FRYL: variants seen among roughly 807,000 people sequenced by gnomAD.
FRYL encodes the protein FRY like transcription coactivator, also known as protein furry homolog-like.
Under a neutral mutation model 351.2 loss-of-function variants are expected in FRYL, and 150 were observed. The observed-to-expected ratio is 0.43, with a 90% CI of 0.37 to 0.49. FRYL has a LOEUF of 0.49. Among genes scored for constraint, FRYL ranks in the 20% least tolerant of loss-of-function variants. FRYL has a pLI of 0.00. For missense variants in FRYL, 3,036 were observed against 3,619.3 expected (o/e 0.84, Z 4.13); for synonymous variants, 1,153 against 1,257.1 (o/e 0.92, Z 1.75).
At chr4:48,758,385 A>G (rs1429581672) in intron 1 of FRYL, among the ~76,000 whole-genome samples, 1 of 152,116 alleles carries the variant, frequency 6.6e-6, no homozygotes, top group African/African-American at 2.4e-5. Flanking sequence ...AATTTACAAG[A>G]AAAAATCAAA....
chr4:48,620,476 T>C (rs540050003), intron 6 of FRYL, among the ~76,000 whole-genome samples, 163 bp downstream of exon 6: 1 of 152,292 alleles, frequency 6.6e-6, no homozygotes, highest in South Asian at 2.1e-4. Flanking sequence ...TGATTTACAG[T>C]TTATGTGTGA....
chr4:48,584,982 T>C (rs956138627), intron 19 of FRYL, among the ~76,000 whole-genome samples: 11 of 152,322 alleles, frequency 7.2e-5, no homozygotes, highest in African/African-American at 2.6e-4. Flanking sequence ...AAGCAAATTG[T>C]CATTCACTAT....
intron 3 of FRYL, chr4:48,653,793 T>A: frequency 7.8e-7 from 1 of 1,288,426 alleles, no homozygotes; most frequent in Non-Finnish European, 1.0e-6. Flanking sequence ...ACATAGTGTC[T>A]CAATCAGCTG....
chr4:48,580,971 T>C lies in FRYL; in HGVS notation c.2173-20A>G. On this transcript the variant is annotated intron_variant, in intron 21 of 63. Coordinates refer to ENST00000358350, the MANE Select transcript of FRYL (RefSeq NM_015030.2). ...ATCACCCTGTAAAAAAGACATCATA[T>C]GTCTAAAAAAATTAGGAATGTTTAA... 2 of 1,522,442 alleles carry C rather than the reference T, an allele frequency of 1.3e-6. No homozygotes were observed. Among genetic ancestry groups the C allele is most frequent in the Non-Finnish European group, 1.8e-6 (2 of 1,125,340 alleles). The allele number at this position is 1,522,442 out of a possible 1,614,324, so 94.3% of individuals were successfully genotyped here. A position where few individuals can be genotyped will look rare whatever the true frequency, so the allele number is the denominator to read the frequency against.
intron 3 of FRYL, among the ~76,000 whole-genome samples, chr4:48,670,435 A>AAT (rs1397082725): frequency 4.6e-5 from 7 of 150,712 alleles, no homozygotes; most frequent in Middle Eastern, 7.1e-3. Flanking sequence ...TCCATCTCGA[A>AAT]ATATATATAT....
intron 1 of FRYL, among the ~76,000 whole-genome samples, chr4:48,745,494 A>T (rs1051934420): frequency 2.0e-5 from 3 of 152,186 alleles, no homozygotes; most frequent in African/African-American, 7.2e-5. Flanking sequence ...CAGCAAACTT[A>T]TCGCAAGGAC....
At chr4:48,696,627 T>C (rs1350022088) in intron 2 of FRYL, among the ~76,000 whole-genome samples, 3 of 152,132 alleles carry the variant, frequency 2.0e-5, no homozygotes, top group Non-Finnish European at 2.9e-5. Flanking sequence ...GACACCATTA[T>C]GGCACACGTA....
At chr4:48,729,748 A>G (rs532128222) in intron 1 of FRYL, among the ~76,000 whole-genome samples, 4 of 152,324 alleles carry the variant, frequency 2.6e-5, no homozygotes, top group Non-Finnish European at 4.4e-5. Context: ...CACCAACATC[A>G]AAGACCAAAG....
intron 15 of FRYL, among the ~76,000 whole-genome samples, chr4:48,594,848 C>T (rs1744274027): frequency 6.6e-6 from 1 of 152,172 alleles, no homozygotes; most frequent in Non-Finnish European, 1.5e-5. Flanking sequence ...TGACCAAAAC[C>T]TTGTATTGGC....
rs749397990 is a variant in FRYL, at chr4:48,544,002, G to A, written c.5402-5C>T. On this transcript the variant is annotated splice_region_variant and splice_polypyrimidine_tract_variant and intron_variant, in intron 43 of 63. Transcript: ENST00000358350. The stretch of plus-strand genomic sequence containing the variant: ...GATGTTCCAGATGAATTCCTTCTGT[G>A]AATGCAAAGGAAACGAGTAGGTTGT... The A allele has an allele frequency of 8.1e-6, 13 of 1,612,262 alleles. No individual in the cohort carries two copies. The highest frequency in any genetic ancestry group is 1.1e-5 in the Non-Finnish European group (13 of 1,178,676).
At chr4:48,620,543 T>G (rs1750451974) in intron 6 of FRYL, 96 bp downstream of exon 6, 2 of 1,267,558 alleles carry the variant, frequency 1.6e-6, no homozygotes, top group Non-Finnish European at 2.2e-6. Flanking sequence ...GCAGTTTGCT[T>G]AGGAATCAAA....
intron 50 of FRYL, among the ~76,000 whole-genome samples, chr4:48,530,033 C>A (rs1035486870): frequency 2.6e-5 from 4 of 152,134 alleles, no homozygotes; most frequent in African/African-American, 7.2e-5. Flanking sequence ...CACTGAAACC[C>A]TTAATTTGTT....
chr4:48,567,661 A>C lies in FRYL; in HGVS notation c.2997-241T>G, dbSNP rs1302784518. ...TATTATTCAACTCCATATCTAACTT[A>C]AATCAACTCAGTGCTAAATGTTGTT... On this transcript the variant is annotated intron_variant, in intron 27 of 63. Transcript: ENST00000358350. This position sits in a 1 kb window ranked among gnomAD's most constrained non-coding sequence, Gnocchi z 4.2. Among the ~76,000 whole-genome samples, 2 of 152,230 alleles carry C rather than the reference A, an allele frequency of 1.3e-5. No homozygotes were observed. Among genetic ancestry groups the C allele is most frequent in the Non-Finnish European group, 2.9e-5 (2 of 68,034 alleles).
At chr4:48,771,419 T>C (rs1775494012) in intron 1 of FRYL, among the ~76,000 whole-genome samples, 1 of 152,222 alleles carries the variant, frequency 6.6e-6, no homozygotes, top group South Asian at 2.1e-4. Flanking sequence ...TTGACTTACA[T>C]TGTAACAATA....
intron 3 of FRYL, among the ~76,000 whole-genome samples, chr4:48,678,716 T>C (rs918906511): frequency 2.6e-5 from 4 of 152,048 alleles, no homozygotes; most frequent in African/African-American, 7.2e-5. Flanking sequence ...AGAAAAATCA[T>C]GCAAGAGTTA....
chr4:48,686,982 G>T (rs1021035396), intron 2 of FRYL, among the ~76,000 whole-genome samples: 1 of 152,066 alleles, frequency 6.6e-6, no homozygotes. Context: ...TACTTCACTG[G>T]CTTTCTTTAT....
chr4:48,620,573 A>G, intron 6 of FRYL, 66 bp downstream of exon 6: 1 of 1,480,822 alleles, frequency 6.8e-7, no homozygotes, highest in Non-Finnish European at 9.2e-7. Flanking sequence ...CCTTCAGTTG[A>G]TAATATCACC....
intron 1 of FRYL, among the ~76,000 whole-genome samples, chr4:48,759,922 G>T (rs988569571): frequency 1.3e-5 from 2 of 152,118 alleles, no homozygotes; most frequent in African/African-American, 4.8e-5. Context: ...CAGGTTCTAG[G>T]GATTAGGGTG....
At chr4:48,575,551 T>C (rs1444108059) in intron 24 of FRYL, among the ~76,000 whole-genome samples, 1 of 152,208 alleles carries the variant, frequency 6.6e-6, no homozygotes, top group East Asian at 1.9e-4. Context: ...GAAAACAAAA[T>C]GACTTCTAAA....
Sources: allele counts gnomAD v4.1 joint callset (sites outside exome capture counted in the v4.1 genomes callset), GRCh38; gene constraint gnomAD v4.1.1; non-coding constraint Gnocchi (gnomAD v3.1); transcripts MANE v1.5; gene names NCBI Gene and HGNC (gene_info 2026-07-23, HGNC 2026-07-21).